TP63: variants seen among roughly 807,000 people sequenced by gnomAD.
The protein encoded by TP63 is tumor protein p63.
TP63 carries 17 observed loss-of-function variants against 82.8 expected under a neutral mutation model. The observed-to-expected ratio is 0.21, with a 90% CI of 0.14 to 0.31. The LOEUF is 0.31. TP63 is among the 10% of genes least tolerant of loss of function. The pLI is 1.00. For synonymous variants in TP63, 330 were observed against 321.7 expected (o/e 1.03, Z -0.28); for missense variants, 648 against 895.3 (o/e 0.72, Z 3.52).
At chr3:189,665,137 G>A (rs976818275) in intron 1 of TP63, among the ~76,000 whole-genome samples, 1 of 152,016 alleles carries the variant, frequency 6.6e-6, no homozygotes, top group Non-Finnish European at 1.5e-5. Flanking sequence ...ATGGTAAAAC[G>A]ACTCCTTATG....
rs1396729289 is a variant in TP63, at chr3:189,667,157, CA to C, written c.62+35581del. 3.5e-5 allele frequency among the ~76,000 whole-genome samples: 5 copies of C among 144,128 alleles called. No homozygotes were observed. In the Admixed American group the frequency reaches 3.7e-4, roughly 11 times the overall value. The allele number at this position is 144,128 out of a possible 152,430, so 94.6% of individuals were successfully genotyped here. ...CACGACAGTCCCACTGAAGCTAAGG[CA>C]GAAGTTAGAATTTTTTTTTTTTTTT... On this transcript the variant is annotated intron_variant, in intron 1 of 13. Coordinates refer to ENST00000264731, the MANE Select transcript of TP63 (RefSeq NM_003722.5).
At chr3:189,653,757 T>A (rs529876408) in intron 1 of TP63, among the ~76,000 whole-genome samples, 3 of 152,230 alleles carry the variant, frequency 2.0e-5, no homozygotes, top group Non-Finnish European at 2.9e-5. Flanking sequence ...AACCAAAGAT[T>A]CAGTCAGTAT....
intron 1 of TP63, among the ~76,000 whole-genome samples, chr3:189,723,216 A>G (rs1719524247): frequency 6.6e-6 from 1 of 152,166 alleles, no homozygotes; most frequent in African/African-American, 2.4e-5. Context: ...TCACCATTAC[A>G]GATATGGAAA....
chr3:189,658,114 A>T (rs114252996), intron 1 of TP63, among the ~76,000 whole-genome samples: 10,411 of 152,120 alleles, frequency 0.068, 467 homozygotes, highest in Middle Eastern at 0.2. Context: ...TCCACAAAAC[A>T]TAATAACGGG....
At chr3:189,876,683 G>C (rs978478110) in intron 10 of TP63, among the ~76,000 whole-genome samples, 2 of 152,094 alleles carry the variant, frequency 1.3e-5, no homozygotes, top group Non-Finnish European at 2.9e-5. Flanking sequence ...ATATACATGG[G>C]TCTCCAGTGA....
chr3:189,820,267 C>CTA (rs1283908721), intron 4 of TP63, among the ~76,000 whole-genome samples: 1 of 152,158 alleles, frequency 6.6e-6, no homozygotes, highest in Non-Finnish European at 1.5e-5. Context: ...CCACAAGGAA[C>CTA]TATAGACTTC....
At chr3:189,618,940 G>A in the TP63 span, among the ~76,000 whole-genome samples, 2 of 152,130 alleles carry the variant, frequency 1.3e-5, no homozygotes, top group Non-Finnish European at 2.9e-5. Flanking sequence ...CTAGCTGTGA[G>A]CTTGCCCTAT....
At chr3:189,620,122 C>T in the TP63 span, among the ~76,000 whole-genome samples, 5 of 152,232 alleles carry the variant, frequency 3.3e-5, no homozygotes, top group Non-Finnish European at 5.9e-5. Flanking sequence ...CCTGTAATCC[C>T]AGCACTTTGG....
Position 189,691,194 on chromosome 3 carries a change from C to G in TP63, c.63-46546C>G, listed in dbSNP as rs1263516085. Among the ~76,000 whole-genome samples the G allele has an allele frequency of 4.6e-5, 7 of 151,500 alleles. 1 individual carries two copies. Among genetic ancestry groups the G allele is most frequent in the Admixed American group, 4.6e-4 (7 of 15,208 alleles). ...TCTCTATTAAAAATACAAAAATTAGCCGGGCGTGGTGGTGCACGCCTGTAA... is the reference window on the plus strand; with the variant it reads ...TCTCTATTAAAAATACAAAAATTAGGCGGGCGTGGTGGTGCACGCCTGTAA... On this transcript the variant is annotated intron_variant, in intron 1 of 13. Coordinates refer to ENST00000264731, the MANE Select transcript of TP63 (RefSeq NM_003722.5).
chr3:189,825,116 G>T (rs1193219759), intron 4 of TP63, among the ~76,000 whole-genome samples: 6 of 152,208 alleles, frequency 3.9e-5, no homozygotes, highest in Non-Finnish European at 8.8e-5. Context: ...GATGTAGCTT[G>T]CAGGAGAACA....
At chr3:189,628,733 C>A (rs6797409), upstream of TP63, among the ~76,000 whole-genome samples, 17,930 of 152,026 alleles carry the variant, frequency 0.12, 1,444 homozygotes, top group East Asian at 0.4. Context: ...TGTATAGTAA[C>A]CTTAGTCCCC....
chr3:189,741,962 G>T lies in TP63; in HGVS notation c.324+3188G>T, dbSNP rs143743006. ...TCTGTTGTCAAGTATATTACTTTAG[G>T]CCAGGTGCATTGGCTCAGGCCTGTA... On this transcript the variant is annotated intron_variant, in intron 3 of 13. Transcript: ENST00000264731. 6.7e-3 allele frequency among the ~76,000 whole-genome samples: 1,022 copies of T among 151,940 alleles called. 13 individuals carry two copies. The highest frequency in any genetic ancestry group is 0.024 in the African/African-American group (981 of 41,484).
At chr3:189,739,336 G>A (rs1466703220) in intron 3 of TP63, among the ~76,000 whole-genome samples, 6 of 152,076 alleles carry the variant, frequency 3.9e-5, no homozygotes, top group South Asian at 2.1e-4. Flanking sequence ...AGCTGGTCTC[G>A]AACTCTTGCC....
intron 13 of TP63, among the ~76,000 whole-genome samples, chr3:189,892,009 A>C (rs1721073670): frequency 6.6e-6 from 1 of 151,826 alleles, no homozygotes; most frequent in African/African-American, 2.4e-5. Context: ...ACCCCTCTTC[A>C]CCCCATAAAT....
rs146433545 is a variant in TP63 at position 189,718,943 on chromosome 3, T to C, written c.63-18797T>C. ...TTAACAGAAATAAGAATATAAAGAA[T>C]ATGTGAAGAACATAAAGAATACTTC... On this transcript the variant is annotated intron_variant, in intron 1 of 13. Transcript: ENST00000264731. Among the ~76,000 whole-genome samples the C allele has an allele frequency of 7.5e-3, 1,144 of 152,252 alleles. 4 individuals are homozygous for C. Among genetic ancestry groups the C allele is most frequent in the Non-Finnish European group, 0.013 (917 of 68,020 alleles).
At chr3:189,754,556 C>T (rs1722048623) in intron 3 of TP63, among the ~76,000 whole-genome samples, 1 of 152,104 alleles carries the variant, frequency 6.6e-6, no homozygotes, top group African/African-American at 2.4e-5. Flanking sequence ...AGGTGAGTCA[C>T]TTAAACACTC....
intron 1 of TP63, among the ~76,000 whole-genome samples, chr3:189,706,172 C>T (rs1297466482): frequency 6.6e-6 from 1 of 152,070 alleles, no homozygotes; most frequent in African/African-American, 2.4e-5. Flanking sequence ...AGTTGTTACA[C>T]AGTATAACAA....
chr3:189,872,707 A>G, intron 9 of TP63, 152 bp from the exon 10 acceptor site: 1 of 1,211,084 alleles, frequency 8.3e-7, no homozygotes, highest in Non-Finnish European at 1.2e-6. Flanking sequence ...AGACCACAAA[A>G]GGGCCAAGAG....
At chr3:189,603,744 T>C in the TP63 span, among the ~76,000 whole-genome samples, 2 of 150,888 alleles carry the variant, frequency 1.3e-5, no homozygotes, top group African/African-American at 2.4e-5. Context: ...TTCACCTATA[T>C]AGTTTTACCT....
Sources: allele counts gnomAD v4.1 joint callset (sites outside exome capture counted in the v4.1 genomes callset), GRCh38; gene constraint gnomAD v4.1.1; transcripts MANE v1.5; gene names NCBI Gene and HGNC (gene_info 2026-07-23, HGNC 2026-07-21).